MAN1A1: variants seen among roughly 807,000 people sequenced by gnomAD.
MAN1A1 encodes mannosyl-oligosaccharide 1,2-alpha-mannosidase IA.
A neutral mutation model predicts 70.8 loss-of-function variants in MAN1A1; 29 were observed. The ratio of observed to expected loss-of-function variants is 0.41; its 90% CI spans 0.31 to 0.56. The LOEUF (loss-of-function observed/expected upper bound fraction) is 0.56. Ranked by LOEUF, MAN1A1 falls within the 20% of genes least tolerant of loss-of-function variation. MAN1A1 has a pLI of 0.29. For missense variants in MAN1A1, 747 were observed against 841.3 expected, an observed-to-expected ratio of 0.89 and a Z score of 1.39; for synonymous variants, 349 against 330.1, an observed-to-expected ratio of 1.06 and a Z score of -0.62.
At position 119,237,046 on chromosome 6, in the gene MAN1A1, G is replaced by A. The variant is rs189983073; in HGVS notation, c.992+11214C>T. Among the ~76,000 whole-genome samples the A allele has an allele frequency of 1.6e-3, 249 of 152,260 alleles. 1 individual carries two copies. The highest frequency in any genetic ancestry group is 3.1e-3 in the Non-Finnish European group (214 of 68,034). On this transcript the variant is annotated intron_variant, in intron 6 of 12. Transcript: ENST00000368468. Reference sequence around the variant, plus strand: ...GCAAGAGAACTAGAATTAGAAGTGGGGCCTGAAGACATGACTGAATTGCTA... The same window carrying A: ...GCAAGAGAACTAGAATTAGAAGTGGAGCCTGAAGACATGACTGAATTGCTA...
intron 5 of MAN1A1, among the ~76,000 whole-genome samples, chr6:119,267,646 A>C (rs1775794320): frequency 6.6e-6 from 1 of 152,190 alleles, no homozygotes; most frequent in African/African-American, 2.4e-5. Flanking sequence ...GGACTTTGCC[A>C]GCCACCCTAG....
chr6:119,251,750 T>G (rs1248081937), intron 5 of MAN1A1, among the ~76,000 whole-genome samples: 1 of 152,228 alleles, frequency 6.6e-6, no homozygotes, highest in African/African-American at 2.4e-5. Flanking sequence ...TAACCCAGAT[T>G]AAGTCATTTT....
Position 119,349,043 on chromosome 6 carries a change from G to T in MAN1A1, c.23C>A (p.Pro8Gln), listed in dbSNP as rs1189426934. ...GCCGCCCGCGGGGCTGCTGAAGAGCGGCAACAGGCCCCCCACGGGCATCGC... is the reference window on the plus strand; with the variant it reads ...GCCGCCCGCGGGGCTGCTGAAGAGCTGCAACAGGCCCCCCACGGGCATCGC... MPVGGLL[P>Q]LFSSPAGGVL... Residue 8 changes from proline to glutamine, a missense_variant, in exon 2 of 13, where the codon CCG becomes CAG. This residue lies in a region of MAN1A1 where 328 missense variants were observed against 293.1 expected (regional missense o/e 1.12). Transcript: ENST00000368468. 3.8e-6 allele frequency: 5 copies of T among 1,330,362 alleles called. No homozygotes were observed. Among genetic ancestry groups the T allele is most frequent in the African/African-American group, 1.5e-5 (1 of 65,658 alleles). The allele number at this position is 1,330,362 out of a possible 1,614,324, so 82.4% of individuals were successfully genotyped here.
intron 6 of MAN1A1, among the ~76,000 whole-genome samples, chr6:119,205,886 T>C (rs1435705715): frequency 6.6e-6 from 1 of 152,258 alleles, no homozygotes; most frequent in Non-Finnish European, 1.5e-5. Flanking sequence ...TCAATCACTT[T>C]TTCTCAAAGA....
At chr6:119,245,567 T>C (rs1562208599) in intron 6 of MAN1A1, among the ~76,000 whole-genome samples, 1 of 152,180 alleles carries the variant, frequency 6.6e-6, no homozygotes, top group Non-Finnish European at 1.5e-5. Context: ...AGGAGTGTAC[T>C]TGATTAGGCA....
At chr6:119,272,759 G>A (rs956153005) in intron 5 of MAN1A1, among the ~76,000 whole-genome samples, 1 of 152,134 alleles carries the variant, frequency 6.6e-6, no homozygotes, top group East Asian at 1.9e-4. Flanking sequence ...TGTTTTCAAC[G>A]GAGAAATCTT....
intron 4 of MAN1A1, 40 bp downstream of exon 4, chr6:119,301,948 G>T: frequency 1.8e-6 from 2 of 1,105,748 alleles, no homozygotes; most frequent in Non-Finnish European, 2.7e-6. Flanking sequence ...CATGTTAACT[G>T]AAATTTAAGG....
intron 2 of MAN1A1, among the ~76,000 whole-genome samples, chr6:119,308,459 C>T (rs195093): frequency 5.9e-5 from 9 of 151,888 alleles, no homozygotes; most frequent in East Asian, 1.9e-4. Flanking sequence ...ATCCCTACAA[C>T]GCCACTGATG....
At chr6:119,185,830 A>C (rs2005984) in intron 11 of MAN1A1, among the ~76,000 whole-genome samples, 88,503 of 148,590 alleles carry the variant, frequency 0.6, 26,685 homozygotes, top group South Asian at 0.78. Flanking sequence ...TGATCCACCC[A>C]CTTTGGCCTC....
intron 10 of MAN1A1, 28 bp from the exon 11 acceptor site, chr6:119,188,605 G>C (rs1371823434): frequency 6.3e-7 from 1 of 1,599,710 alleles, no homozygotes; most frequent in African/African-American, 1.3e-5. Context: ...AATGAATAAG[G>C]GTTATTTTCC....
intron 3 of MAN1A1, among the ~76,000 whole-genome samples, chr6:119,304,936 A>G (rs889972486): frequency 8.5e-6 from 1 of 117,918 alleles, no homozygotes; most frequent in Non-Finnish European, 1.9e-5. Flanking sequence ...GAAGTGGGCT[A>G]AAGAAATCAT....
chr6:119,326,815 T>C lies in MAN1A1; in HGVS notation c.604-19823A>G, dbSNP rs542411232. 1.4e-3 allele frequency among the ~76,000 whole-genome samples: 219 copies of C among 152,222 alleles called. 1 individual carries two copies. Among genetic ancestry groups the C allele is most frequent in the African/African-American group, 5.1e-3 (211 of 41,550 alleles). On this transcript the variant is annotated intron_variant, in intron 2 of 12. Transcript: ENST00000368468. Reference sequence around the variant, plus strand: ...TGGCCTCTCCCTTGACACGTGGGGATTGTGGGGATTATGGGGATTACAATT... The same window carrying C: ...TGGCCTCTCCCTTGACACGTGGGGACTGTGGGGATTATGGGGATTACAATT...
intron 2 of MAN1A1, chr6:119,331,990 C>G (rs770661409): frequency 2.0e-6 from 1 of 506,054 alleles, no homozygotes; most frequent in Non-Finnish European, 3.9e-6. Context: ...CTTGCCCCTT[C>G]CTGGCTTCAA....
At chr6:119,250,657 T>C (rs1775293519) in intron 5 of MAN1A1, among the ~76,000 whole-genome samples, 1 of 151,278 alleles carries the variant, frequency 6.6e-6, no homozygotes, top group Admixed American at 6.6e-5. Flanking sequence ...TCTGTGTGTG[T>C]GTGTGTGTGT....
chr6:119,301,651 G>C (rs9489678), intron 4 of MAN1A1, among the ~76,000 whole-genome samples: 4 of 152,168 alleles, frequency 2.6e-5, no homozygotes, highest in Non-Finnish European at 5.9e-5. Flanking sequence ...GCAATCTGGA[G>C]TAAGCCTCTG....
At chr6:119,326,494 T>C (rs1344595773) in intron 2 of MAN1A1, among the ~76,000 whole-genome samples, 1 of 152,238 alleles carries the variant, frequency 6.6e-6, no homozygotes, top group Non-Finnish European at 1.5e-5. Context: ...CAGGCTCGGA[T>C]GCCTGCCTTG....
intron 5 of MAN1A1, among the ~76,000 whole-genome samples, chr6:119,271,246 T>C (rs991278406): frequency 6.6e-6 from 1 of 152,178 alleles, no homozygotes; most frequent in Non-Finnish European, 1.5e-5. Context: ...AACTTGAATG[T>C]TAGTGTATCA....
chr6:119,231,035 T>A (rs1306583113), intron 6 of MAN1A1, among the ~76,000 whole-genome samples: 1 of 152,046 alleles, frequency 6.6e-6, no homozygotes, highest in Non-Finnish European at 1.5e-5. Context: ...AATAGCAGGG[T>A]TTTGTTGGAG....
chr6:119,193,296 T>C (rs534538682), intron 9 of MAN1A1, among the ~76,000 whole-genome samples: 1 of 152,326 alleles, frequency 6.6e-6, no homozygotes, highest in African/African-American at 2.4e-5. Context: ...TTTGATACTA[T>C]TAATGATCTT....
Sources: allele counts gnomAD v4.1 joint callset (sites outside exome capture counted in the v4.1 genomes callset), GRCh38; gene constraint gnomAD v4.1.1; regional missense constraint gnomAD v4.1.1; transcripts MANE v1.5; gene names NCBI Gene and HGNC (gene_info 2026-07-23, HGNC 2026-07-21).